LRRC4C: variants seen among roughly 807,000 people sequenced by gnomAD.
LRRC4C encodes leucine-rich repeat-containing protein 4C.
Under a neutral mutation model 33.6 loss-of-function variants are expected in LRRC4C, and 5 were observed. The ratio of observed to expected loss-of-function variants is 0.15; its 90% CI spans 0.08 to 0.31. LRRC4C has a LOEUF of 0.31. Among genes scored for constraint, LRRC4C ranks in the 10% least tolerant of loss-of-function variants. The probability of loss-of-function intolerance (pLI) is 1.00; values close to 1 mark genes in which losing one functional copy is unlikely to be tolerated. For missense variants in LRRC4C, 560 were observed against 796.7 expected (o/e 0.70, Z 3.58); for synonymous variants, 329 against 302.0 (o/e 1.09, Z -0.93).
At chr11:40,512,396 A>G (rs919817857) in intron 3 of LRRC4C, among the ~76,000 whole-genome samples, 3 of 152,018 alleles carry the variant, frequency 2.0e-5, no homozygotes, top group Non-Finnish European at 2.9e-5. Flanking sequence ...AAAACAAACA[A>G]ATGAAAAAAC....
At chr11:40,208,858 T>C (rs997826492) in intron 5 of LRRC4C, among the ~76,000 whole-genome samples, 8 of 152,112 alleles carry the variant, frequency 5.3e-5, no homozygotes, top group African/African-American at 1.9e-4. Flanking sequence ...ATTCACCGAC[T>C]TCAACTCGGT....
chr11:41,391,657 C>G (rs1181537649), intron 1 of LRRC4C, among the ~76,000 whole-genome samples: 1 of 151,774 alleles, frequency 6.6e-6, no homozygotes, highest in Non-Finnish European at 1.5e-5. Context: ...ATTGATGACC[C>G]CCTAAAACCC....
chr11:41,278,760 A>G (rs1304108029), intron 1 of LRRC4C, among the ~76,000 whole-genome samples: 1 of 152,210 alleles, frequency 6.6e-6, no homozygotes, highest in African/African-American at 2.4e-5. Context: ...TGTGAGTTGT[A>G]GCAGATAGCA....
chr11:40,471,682 C>CA (rs3041120), intron 3 of LRRC4C, among the ~76,000 whole-genome samples: 4,637 of 130,918 alleles, frequency 0.035, 198 homozygotes, highest in African/African-American at 0.11. Flanking sequence ...AATGGAAAGC[C>CA]AAAAAAAAAA....
At chr11:40,873,191 T>C (rs1343811928) in intron 2 of LRRC4C, among the ~76,000 whole-genome samples, 1 of 152,140 alleles carries the variant, frequency 6.6e-6, no homozygotes, top group Non-Finnish European at 1.5e-5. Flanking sequence ...TTTCTATATC[T>C]GCAAAATGAG....
chr11:40,238,096 G>A (rs1470818), intron 5 of LRRC4C, among the ~76,000 whole-genome samples: 113,014 of 152,082 alleles, frequency 0.74, 46,037 homozygotes, highest in East Asian at 0.95. Context: ...CGGCAGCACA[G>A]GTTTCACGCT....
chr11:41,176,668 G>T (rs545921914), intron 1 of LRRC4C, among the ~76,000 whole-genome samples: 60 of 152,126 alleles, frequency 3.9e-4, no homozygotes, highest in Admixed American at 1.1e-3. Context: ...GAAGAATGGA[G>T]CTAGGAGAGG....
At chr11:40,850,560 C>T (rs901847256) in intron 2 of LRRC4C, among the ~76,000 whole-genome samples, 4 of 152,146 alleles carry the variant, frequency 2.6e-5, no homozygotes, top group Non-Finnish European at 4.4e-5. Context: ...AGATATCTGT[C>T]GACCCCTGCT....
At chr11:41,060,326 C>T (rs1367876431) in intron 1 of LRRC4C, among the ~76,000 whole-genome samples, 1 of 152,194 alleles carries the variant, frequency 6.6e-6, no homozygotes, top group African/African-American at 2.4e-5. Flanking sequence ...AGATTCAAAA[C>T]ACTTGTATTA....
At chr11:40,358,628 G>A (rs35188639) in intron 3 of LRRC4C, among the ~76,000 whole-genome samples, 22,166 of 151,982 alleles carry the variant, frequency 0.15, 1,972 homozygotes, top group East Asian at 0.29. Flanking sequence ...AGCTGCCTGC[G>A]TATTACTGAT....
chr11:41,195,772 A>G (rs975673644), intron 1 of LRRC4C, among the ~76,000 whole-genome samples: 1 of 152,138 alleles, frequency 6.6e-6, no homozygotes, highest in African/African-American at 2.4e-5. Flanking sequence ...AGTTTTTTTT[A>G]ATCAATAAAT....
intron 1 of LRRC4C, among the ~76,000 whole-genome samples, chr11:40,944,298 T>G (rs1360767339): frequency 6.6e-6 from 1 of 152,204 alleles, no homozygotes; most frequent in Non-Finnish European, 1.5e-5. Flanking sequence ...GGATACGATA[T>G]TTTATCCTTA....
intron 1 of LRRC4C, among the ~76,000 whole-genome samples, chr11:41,077,017 A>G (rs1450156394): frequency 6.6e-6 from 1 of 152,162 alleles, no homozygotes; most frequent in African/African-American, 2.4e-5. Flanking sequence ...AAATTCCACA[A>G]TAATCTCCTT....
chr11:40,782,451 T>TG (rs1374320720), intron 2 of LRRC4C, among the ~76,000 whole-genome samples: 2 of 151,928 alleles, frequency 1.3e-5, no homozygotes, highest in African/African-American at 2.4e-5. Context: ...CATACTTTTT[T>TG]TTTTTTTCTA....
intron 1 of LRRC4C, among the ~76,000 whole-genome samples, chr11:41,264,738 T>G (rs893956303): frequency 6.6e-6 from 1 of 152,148 alleles, no homozygotes; most frequent in Admixed American, 6.6e-5. Flanking sequence ...TATTCTGCCC[T>G]TAAGGAGCTT....
At chr11:40,646,840 T>C (rs1461902656) in intron 3 of LRRC4C, among the ~76,000 whole-genome samples, 2 of 152,284 alleles carry the variant, frequency 1.3e-5, no homozygotes, top group Non-Finnish European at 2.9e-5. Context: ...TCTCCTGACC[T>C]CATGATCCGC....
chr11:40,386,200 A>G (rs938087314), intron 3 of LRRC4C, among the ~76,000 whole-genome samples: 3 of 152,236 alleles, frequency 2.0e-5, no homozygotes, highest in Admixed American at 1.3e-4. Flanking sequence ...TTATGTCACA[A>G]AGCCATAAAT....
At chr11:40,193,031 G>A (rs1178294499) in intron 5 of LRRC4C, among the ~76,000 whole-genome samples, 1 of 152,214 alleles carries the variant, frequency 6.6e-6, no homozygotes, top group African/African-American at 2.4e-5. Flanking sequence ...TGCAGCTTCA[G>A]CAGACTTAAA....
At chr11:40,886,406 T>TACACAC (rs10629266) in intron 2 of LRRC4C, among the ~76,000 whole-genome samples, 7,077 of 145,456 alleles carry the variant, frequency 0.049, 288 homozygotes, top group East Asian at 0.2. Context: ...TTTCAAATGC[T>TACACAC]ACACACACAC....
Sources: gnomAD v4.1 joint callset for allele counts (sites outside exome capture counted in the v4.1 genomes callset) on GRCh38, gnomAD v4.1.1 for gene constraint, MANE v1.5 for transcripts, NCBI Gene and HGNC (gene_info 2026-07-23, HGNC 2026-07-21) for gene names.